The following DISP1 variants were observed in gnomAD, a reference collection of about 807,000 sequenced individuals.
The protein encoded by DISP1 is dispatched RND transporter family member 1.
Under a neutral mutation model 37.3 loss-of-function variants are expected in DISP1, and 30 were observed. The observed-to-expected ratio is 0.80, with a 90% CI of 0.60 to 1.09. The LOEUF (loss-of-function observed/expected upper bound fraction) is 1.09, where lower values mean the gene tolerates loss of function less well. DISP1 is among the 50% of genes least tolerant of loss of function. The pLI is 0.00. For synonymous variants in DISP1, 634 were observed against 690.2 expected, an observed-to-expected ratio of 0.92 and a Z score of 1.28; for missense variants, 1,598 against 1,879.5, an observed-to-expected ratio of 0.85 and a Z score of 2.77.
chr1:222,972,113 T>C (rs1162113129), intron 3 of DISP1, among the ~76,000 whole-genome samples: 2 of 152,060 alleles, frequency 1.3e-5, no homozygotes, highest in African/African-American at 4.8e-5. Context: ...CTTATATAAT[T>C]ATATAAAATA....
At chr1:222,879,549 T>C (rs1433976979) in intron 1 of DISP1, among the ~76,000 whole-genome samples, 2 of 152,180 alleles carry the variant, frequency 1.3e-5, no homozygotes, top group East Asian at 3.8e-4. Flanking sequence ...TAAAATGTGA[T>C]TGTGTACATT....
chr1:222,955,492 C>A (rs545866826), intron 3 of DISP1, among the ~76,000 whole-genome samples: 1 of 152,176 alleles, frequency 6.6e-6, no homozygotes. Context: ...ATTGTACTTC[C>A]GACTTTGAAT....
At chr1:222,990,945 A>C (rs192681250) in intron 5 of DISP1, among the ~76,000 whole-genome samples, 197 bp downstream of exon 5, 20 of 152,360 alleles carry the variant, frequency 1.3e-4, no homozygotes, top group African/African-American at 3.8e-4. Context: ...GTTTACCCTC[A>C]AAAATCTGGA....
chr1:222,979,775 G>A, intron 3 of DISP1: 1 of 392,260 alleles, frequency 2.5e-6, no homozygotes, highest in South Asian at 1.9e-5. Flanking sequence ...GCCCTGGCCA[G>A]CTGAGCGCTG....
intron 3 of DISP1, among the ~76,000 whole-genome samples, chr1:222,957,548 C>T (rs1675701034): frequency 6.6e-6 from 1 of 152,106 alleles, no homozygotes; most frequent in Admixed American, 6.5e-5. Context: ...GAGATTATGC[C>T]ACTGCACTCC....
At chr1:222,994,749 A>G (rs1317113430) in intron 7 of DISP1, 136 bp from the exon 8 acceptor site, 1 of 672,034 alleles carries the variant, frequency 1.5e-6, no homozygotes, top group Non-Finnish European at 2.6e-6. Flanking sequence ...GGAATTTATC[A>G]AAGGAAAGAA....
chr1:222,938,372 T>C (rs1220226599), intron 2 of DISP1, among the ~76,000 whole-genome samples: 1 of 152,126 alleles, frequency 6.6e-6, no homozygotes, highest in Non-Finnish European at 1.5e-5. Flanking sequence ...CTCTATCTTA[T>C]TCTTCTTTCC....
At chr1:222,954,405 C>A (rs558518595) in intron 3 of DISP1, among the ~76,000 whole-genome samples, 3 of 152,172 alleles carry the variant, frequency 2.0e-5, no homozygotes, top group Non-Finnish European at 4.4e-5. Context: ...GAGCCTAAGG[C>A]CTGGGACCCA....
chr1:222,840,312 G>T (rs1435712167), intron 1 of DISP1, among the ~76,000 whole-genome samples: 1 of 152,030 alleles, frequency 6.6e-6, no homozygotes, highest in Non-Finnish European at 1.5e-5. Flanking sequence ...CATGATCTCG[G>T]CTTACTGCAA....
Position 222,943,199 on chromosome 1 carries a change from T to C in DISP1, c.376T>C (p.Ser126Pro), listed in dbSNP as rs1674513497. 1 of 1,610,074 alleles carries C rather than the reference T, an allele frequency of 6.2e-7. No homozygotes were observed. Among genetic ancestry groups the C allele is most frequent in the East Asian group, 2.2e-5 (1 of 44,776 alleles). Residue 126 changes from serine to proline, a missense_variant, in exon 3 of 9, where the codon TCT becomes CCT. Physicochemically the swap from Ser to Pro is moderately conservative, Grantham distance 74. Coordinates refer to ENST00000675850, the MANE Select transcript of DISP1 (RefSeq NM_001377229.1). Reference sequence around the variant, plus strand: ...GCAGCCACACTCCGAGTATTCTGCATCTCTTTGTCCAAATCATTCACCTGT... The same window carrying C: ...GCAGCCACACTCCGAGTATTCTGCACCTCTTTGTCCAAATCATTCACCTGT... ...CMQPHSEYSA[S>P]LCPNHSPVYQ...
Position 222,992,638 on chromosome 1 carries a change from A to C in DISP1, c.889+528A>C, listed in dbSNP as rs139664085. On this transcript the variant is annotated intron_variant, in intron 7 of 8. Transcript: ENST00000675850. ...GCAGTAGAGGTAGAGAGGTGAAAAA[A>C]ATAAAGTCTAGAGGTTCAAAGTTTG... is the stretch of plus-strand genomic sequence containing the variant. 2.7e-4 allele frequency among the ~76,000 whole-genome samples: 41 copies of C among 152,234 alleles called. 1 individual carries two copies. In the East Asian group the frequency reaches 7.9e-3, roughly 29 times the overall value.
chr1:222,873,765 C>G (rs958359828), intron 1 of DISP1, among the ~76,000 whole-genome samples: 3 of 152,060 alleles, frequency 2.0e-5, no homozygotes, highest in African/African-American at 7.3e-5. Flanking sequence ...AGCATTTAGC[C>G]CATTTACTTC....
chr1:222,902,828 T>C (rs955676857), intron 1 of DISP1, among the ~76,000 whole-genome samples: 2 of 150,800 alleles, frequency 1.3e-5, no homozygotes, highest in African/African-American at 4.9e-5. Flanking sequence ...TGTGGAGAAA[T>C]AGGAACACTT....
At chr1:222,895,339 A>G (rs1671190668) in intron 1 of DISP1, among the ~76,000 whole-genome samples, 1 of 152,224 alleles carries the variant, frequency 6.6e-6, no homozygotes, top group Admixed American at 6.5e-5. Flanking sequence ...CTTTCCAAGT[A>G]GTTAACCGAA....
intron 3 of DISP1, among the ~76,000 whole-genome samples, chr1:222,943,946 C>T (rs1572577807): frequency 6.6e-6 from 1 of 152,060 alleles, no homozygotes. Flanking sequence ...AGGAGAATCG[C>T]GTGAACCTGG....
At chr1:222,823,339 C>T (rs370729778) in intron 1 of DISP1, among the ~76,000 whole-genome samples, 8 of 152,094 alleles carry the variant, frequency 5.3e-5, no homozygotes, top group African/African-American at 1.4e-4. Context: ...CACACACACA[C>T]GAATACTGTG....
intron 1 of DISP1, among the ~76,000 whole-genome samples, chr1:222,921,226 T>G (rs776400357): frequency 6.6e-6 from 1 of 152,178 alleles, no homozygotes; most frequent in Non-Finnish European, 1.5e-5. Flanking sequence ...CGAGAATCAC[T>G]TGAGCCCTGG....
intron 1 of DISP1, among the ~76,000 whole-genome samples, chr1:222,874,582 G>T (rs1669839552): frequency 6.6e-6 from 1 of 152,112 alleles, no homozygotes; most frequent in Non-Finnish European, 1.5e-5. Context: ...TCGTCATGTA[G>T]TTCTCGTGCC....
At position 222,980,410 on chromosome 1, in the gene DISP1, A is replaced by AGTGTGTGTGT. The variant is rs3028495; in HGVS notation, c.510-2649_510-2640dup. 2.0e-3 allele frequency among the ~76,000 whole-genome samples: 301 copies of AGTGTGTGTGT among 148,160 alleles called. 5 individuals are homozygous for AGTGTGTGTGT. The East Asian group carries it at 0.039, about 19-fold the overall frequency. On this transcript the variant is annotated intron_variant, in intron 3 of 8. Transcript: ENST00000675850. Reference sequence around the variant, plus strand: ...AAATAGGAATGGGCTGATGTAACAAAGTGTGTGTGTGTGTGTGTGTGTGTG... The same window carrying AGTGTGTGTGT: ...AAATAGGAATGGGCTGATGTAACAAAGTGTGTGTGTGTGTGTGTGTGTGTGTGTGTGTGTG...
Sources: allele counts gnomAD v4.1 joint callset (sites outside exome capture counted in the v4.1 genomes callset), GRCh38; gene constraint gnomAD v4.1.1; transcripts MANE v1.5; gene names NCBI Gene and HGNC (gene_info 2026-07-23, HGNC 2026-07-21).